The following TTLL11 variants were observed in gnomAD, a reference collection of about 807,000 sequenced individuals.
TTLL11 encodes tubulin tyrosine ligase like 11.
Under a neutral mutation model 51.7 loss-of-function variants are expected in TTLL11, and 42 were observed. The ratio of observed to expected loss-of-function variants is 0.81; its 90% CI spans 0.64 to 1.05. The LOEUF is 1.05. Among genes scored for constraint, TTLL11 ranks in the 50% least tolerant of loss-of-function variants. The pLI is 0.00. For synonymous variants in TTLL11, 381 were observed against 383.5 expected (o/e 0.99, Z 0.08); for missense variants, 799 against 940.4 (o/e 0.85, Z 1.97).
chr9:121,993,808 A>G (rs889520562), intron 3 of TTLL11, among the ~76,000 whole-genome samples: 1 of 152,226 alleles, frequency 6.6e-6, no homozygotes. Flanking sequence ...TAAGAGGCCA[A>G]TTTCTGAAGA....
At chr9:122,034,751 C>CA (rs1844653634) in intron 2 of TTLL11, among the ~76,000 whole-genome samples, 1 of 152,178 alleles carries the variant, frequency 6.6e-6, no homozygotes, top group South Asian at 2.1e-4. Flanking sequence ...TGATCCAGGG[C>CA]ACGCGTTCCC....
intron 3 of TTLL11, among the ~76,000 whole-genome samples, chr9:122,008,388 CAAAT>C (rs1843709764): frequency 6.6e-6 from 1 of 152,096 alleles, no homozygotes; most frequent in African/African-American, 2.4e-5. Context: ...AGTAAGAAAA[CAAAT>C]AACCCTATTA....
At chr9:121,942,139 A>T (rs1170135036) in intron 6 of TTLL11, among the ~76,000 whole-genome samples, 2 of 152,060 alleles carry the variant, frequency 1.3e-5, no homozygotes, top group Non-Finnish European at 2.9e-5. Flanking sequence ...AGCATCATCT[A>T]CCATTCCTGC....
rs572971380 is a variant in TTLL11 at position 121,822,729 on chromosome 9, C to T, written c.1991G>A (p.Arg664Gln). 7.5e-5 allele frequency: 117 copies of T among 1,551,306 alleles called. No individual in the cohort carries two copies. The highest frequency in any genetic ancestry group is 6.7e-4 in the African/African-American group (49 of 73,154). ...GGGCCGGCCCCCCGACGGGACGCCC[C>T]GGCCACACACCAGGCGTTTTTCATC... Reference protein sequence around the residue: ...LLDEKRLVCGRGVPSGGRPPH... With the variant: ...LLDEKRLVCGQGVPSGGRPPH... Residue 664 changes from arginine to glutamine, a missense_variant, in exon 9 of 9, where the codon CGG (arginine) becomes CAG (glutamine). Physicochemically the swap from Arg to Gln is conservative, Grantham distance 43. Around this residue, in one of 3 missense-constraint regions of TTLL11, gnomAD observed 165 missense variants for 166.1 expected, o/e 0.99. Transcript: ENST00000321582. The surrounding 1 kb of genome is among the most constrained non-coding windows in gnomAD (Gnocchi z 5.8).
chr9:121,975,021 A>T (rs1842667341), intron 4 of TTLL11, 42 bp from the exon 5 acceptor site: 1 of 1,404,122 alleles, frequency 7.1e-7, no homozygotes. Flanking sequence ...GTCTCTATTG[A>T]GTATGGTATT....
intron 6 of TTLL11, among the ~76,000 whole-genome samples, chr9:121,949,839 T>G (rs1445635116): frequency 6.6e-6 from 1 of 152,112 alleles, no homozygotes; most frequent in Non-Finnish European, 1.5e-5. Flanking sequence ...TGAATAAATG[T>G]TCCTCTCCCT....
chr9:121,877,850 C>T (rs1027085324), intron 6 of TTLL11, among the ~76,000 whole-genome samples: 2 of 152,180 alleles, frequency 1.3e-5, no homozygotes, highest in African/African-American at 2.4e-5. Context: ...GCTCCAGCAT[C>T]CTTGTTTCTA....
At chr9:121,914,388 C>T (rs1840248130) in intron 6 of TTLL11, among the ~76,000 whole-genome samples, 1 of 152,208 alleles carries the variant, frequency 6.6e-6, no homozygotes, top group African/African-American at 2.4e-5. Context: ...AGGAAATGAC[C>T]TGAGCACCTA....
chr9:121,944,478 G>C (rs999320041), intron 6 of TTLL11, among the ~76,000 whole-genome samples: 2 of 151,444 alleles, frequency 1.3e-5, no homozygotes, highest in African/African-American at 4.8e-5. Flanking sequence ...ACTGCACCCA[G>C]CCTGGGTGAC....
chr9:121,976,980 G>A lies in TTLL11; in HGVS notation c.1270-2001C>T, dbSNP rs148520692. ...TTGATGAGGCTACAGAGAGCAGCAG[G>A]CTGTGGTGATGACGTTTATCATCCT... On this transcript the variant is annotated intron_variant, in intron 4 of 8. Coordinates refer to ENST00000321582, the MANE Select transcript of TTLL11 (RefSeq NM_001139442.2). Among the ~76,000 whole-genome samples, 272 of 152,320 alleles carry A rather than the reference G, an allele frequency of 1.8e-3. 1 individual carries two copies. The highest frequency in any genetic ancestry group is 6.4e-3 in the African/African-American group (264 of 41,572).
chr9:122,044,374 A>C (rs1297757561), intron 1 of TTLL11, among the ~76,000 whole-genome samples: 2 of 152,290 alleles, frequency 1.3e-5, no homozygotes, highest in East Asian at 3.9e-4. Context: ...GTATATACCC[A>C]GTAATGGGAT....
At chr9:121,900,173 A>T (rs10985439) in intron 6 of TTLL11, among the ~76,000 whole-genome samples, 31,333 of 152,164 alleles carry the variant, frequency 0.21, 3,403 homozygotes, top group Non-Finnish European at 0.23. Context: ...TAACTAGAGC[A>T]TCTTGCCTTT....
intron 1 of TTLL11, among the ~76,000 whole-genome samples, chr9:122,040,917 T>A (rs1274001364): frequency 6.6e-6 from 1 of 152,254 alleles, no homozygotes; most frequent in Non-Finnish European, 1.5e-5. Context: ...ATATGTTATT[T>A]TCTTCTAGCT....
At chr9:122,026,488 G>A (rs1041259380) in intron 3 of TTLL11, among the ~76,000 whole-genome samples, 7 of 151,230 alleles carry the variant, frequency 4.6e-5, no homozygotes, top group East Asian at 3.9e-4. Context: ...AAAGGGACAC[G>A]AGGAAAAATT....
chr9:121,861,606 C>A (rs1209549302), intron 7 of TTLL11, among the ~76,000 whole-genome samples: 1 of 152,208 alleles, frequency 6.6e-6, no homozygotes, highest in African/African-American at 2.4e-5. Context: ...GTGTCCTCAT[C>A]TTCCTATCTC....
chr9:121,965,766 G>A (rs1181546969), intron 6 of TTLL11, among the ~76,000 whole-genome samples: 1 of 152,122 alleles, frequency 6.6e-6, no homozygotes, highest in Non-Finnish European at 1.5e-5. Context: ...ATTTTTGAGG[G>A]GACTTCAATA....
intron 7 of TTLL11, among the ~76,000 whole-genome samples, chr9:121,867,480 C>T (rs1156424313): frequency 6.6e-6 from 1 of 152,116 alleles, no homozygotes; most frequent in Non-Finnish European, 1.5e-5. Flanking sequence ...TTTCAAATCT[C>T]CCCCTCTCTC....
rs545398829 is a variant in TTLL11, at chr9:121,980,237, A to G, written c.1270-5258T>C. ...ATAAGTTTTTTATTGAAAAAGATAA[A>G]TTCAGAGAATGAGATTTGGATTCCA... On this transcript the variant is annotated intron_variant, in intron 4 of 8. Transcript: ENST00000321582. 2.0e-5 allele frequency among the ~76,000 whole-genome samples: 3 copies of G among 152,228 alleles called. No homozygotes were observed. In the South Asian group the frequency reaches 6.2e-4, roughly 32 times the overall value.
intron 8 of TTLL11, among the ~76,000 whole-genome samples, chr9:121,824,077 G>GTGAA (rs1265099604): frequency 4.6e-5 from 7 of 152,194 alleles, no homozygotes; most frequent in Non-Finnish European, 1.5e-5. Flanking sequence ...AGATGAATGA[G>GTGAA]TGAATGAATG....
Sources: allele counts gnomAD v4.1 joint callset (sites outside exome capture counted in the v4.1 genomes callset), GRCh38; gene constraint gnomAD v4.1.1; regional missense constraint gnomAD v4.1.1; non-coding constraint Gnocchi (gnomAD v3.1); transcripts MANE v1.5; gene names NCBI Gene and HGNC (gene_info 2026-07-23, HGNC 2026-07-21).